The following CRACD variants were observed in gnomAD, a reference collection of about 807,000 sequenced individuals.
The protein encoded by CRACD is capping protein inhibiting regulator of actin dynamics, also known as capping protein-inhibiting regulator of actin dynamics.
CRACD carries 56 observed loss-of-function variants against 106.8 expected under a neutral mutation model. The ratio of observed to expected loss-of-function variants is 0.52; its 90% confidence interval spans 0.42 to 0.66. The LOEUF is 0.66. Among genes scored for constraint, CRACD ranks in the 30% least tolerant of loss-of-function variants. The probability of loss-of-function intolerance (pLI) is 0.00; values close to 1 mark genes in which losing one functional copy is unlikely to be tolerated. For synonymous variants in CRACD, 754 were observed against 670.8 expected (o/e 1.12, Z -1.92); for missense variants, 1,730 against 1,623.2 (o/e 1.07, Z -1.13).
intron 2 of CRACD, among the ~76,000 whole-genome samples, chr4:56,203,278 G>A (rs1337915360): frequency 1.3e-5 from 2 of 152,160 alleles, no homozygotes; most frequent in Non-Finnish European, 2.9e-5. Context: ...GGTATGGAAG[G>A]GACCAGCACC....
chr4:56,141,675 A>G (rs1399242964), intron 1 of CRACD, among the ~76,000 whole-genome samples: 1 of 147,144 alleles, frequency 6.8e-6, no homozygotes, highest in African/African-American at 2.5e-5. Flanking sequence ...TAAACTAAGG[A>G]AGTACTATTT....
chr4:56,315,702 GA>G lies in CRACD; in HGVS notation c.2201del (p.Glu734GlyfsTer95). The G allele has an allele frequency of 6.2e-7, 1 of 1,614,198 alleles. No homozygotes were observed. The highest frequency in any genetic ancestry group is 8.5e-7 in the Non-Finnish European group (1 of 1,180,048). ...GCAGAAATTTTCCGATGGTGGCACG[GA>G]GACCTCCAAACAGAGCACGGAAGCT... is the stretch of plus-strand genomic sequence containing the variant. ...AWQKFSDGGTETSKQSTEAES... is the reference protein window; with the variant it reads ...AWQKFSDGGTXTSKQSTEAES... On this transcript the variant is annotated frameshift_variant, in exon 8 of 11. Coordinates refer to ENST00000682029, the MANE Select transcript of CRACD (RefSeq NM_001393381.1). LOFTEE classifies it high-confidence loss of function. The surrounding 1 kb of genome is among the most constrained non-coding windows in gnomAD (Gnocchi z 4.1).
chr4:56,195,185 G>A (rs1038584767), intron 2 of CRACD, among the ~76,000 whole-genome samples: 1 of 152,114 alleles, frequency 6.6e-6, no homozygotes, highest in African/African-American at 2.4e-5. Context: ...GTGCAAGTGG[G>A]AGGACACATG....
At chr4:56,087,202 G>A (rs1733258661) in intron 1 of CRACD, among the ~76,000 whole-genome samples, 1 of 152,028 alleles carries the variant, frequency 6.6e-6, no homozygotes, top group South Asian at 2.1e-4. Flanking sequence ...TAGTAGAGAT[G>A]GGGTTTCACC....
chr4:56,212,256 G>A (rs1261173773), intron 2 of CRACD, among the ~76,000 whole-genome samples: 1 of 152,168 alleles, frequency 6.6e-6, no homozygotes, highest in African/African-American at 2.4e-5. Context: ...GCAACATCTG[G>A]AAGTTACCTT....
chr4:56,212,394 C>T (rs779119857), intron 2 of CRACD, among the ~76,000 whole-genome samples: 4 of 152,176 alleles, frequency 2.6e-5, no homozygotes, highest in East Asian at 1.9e-4. Context: ...AGCCAACCAG[C>T]AGCCCTTGGG....
intron 3 of CRACD, among the ~76,000 whole-genome samples, chr4:56,287,291 A>ATTTTTTTT (rs57432926): frequency 0.012 from 1,774 of 145,880 alleles, 39 homozygotes; most frequent in African/African-American, 0.041. Context: ...TACTTGGCTA[A>ATTTTTTTT]TTTTTTTTTT....
intron 1 of CRACD, among the ~76,000 whole-genome samples, chr4:56,147,258 C>T (rs1735419486): frequency 1.3e-5 from 2 of 152,078 alleles, no homozygotes; most frequent in South Asian, 2.1e-4. Flanking sequence ...AGAAACAAAG[C>T]GTTTCAAAGT....
At chr4:56,244,925 C>G (rs1321384376) in intron 2 of CRACD, among the ~76,000 whole-genome samples, 1 of 152,242 alleles carries the variant, frequency 6.6e-6, no homozygotes, top group Non-Finnish European at 1.5e-5. Flanking sequence ...GATATCTCTC[C>G]TAAGTCCCCT....
At chr4:56,161,798 C>T (rs1273040455) in intron 1 of CRACD, among the ~76,000 whole-genome samples, 1 of 143,102 alleles carries the variant, frequency 7.0e-6, no homozygotes, top group East Asian at 2.1e-4. Context: ...GAGTCTCGCT[C>T]TGTTGCGCAG....
At chr4:56,209,443 G>A (rs887849951) in intron 2 of CRACD, among the ~76,000 whole-genome samples, 15 of 151,780 alleles carry the variant, frequency 9.9e-5, no homozygotes, top group African/African-American at 3.4e-4. Flanking sequence ...ATACTATACA[G>A]AATTGTTTTT....
chr4:56,268,960 C>G (rs928366641), intron 2 of CRACD, among the ~76,000 whole-genome samples: 1 of 152,160 alleles, frequency 6.6e-6, no homozygotes, highest in Non-Finnish European at 1.5e-5. Flanking sequence ...TGAAAAGATA[C>G]AAACATTCTG....
chr4:56,099,517 A>C (rs1003719935), intron 1 of CRACD, among the ~76,000 whole-genome samples: 1 of 152,156 alleles, frequency 6.6e-6, no homozygotes, highest in Non-Finnish European at 1.5e-5. Flanking sequence ...GGCTTTTGGC[A>C]TACTGACTGT....
intron 1 of CRACD, among the ~76,000 whole-genome samples, chr4:56,166,693 C>A (rs1171995728): frequency 3.1e-4 from 26 of 83,406 alleles, no homozygotes; most frequent in African/African-American, 3.9e-4. Context: ...AAAAAAAAAA[C>A]CATTTAATGG....
At chr4:56,170,812 C>T (rs1442020320) in intron 1 of CRACD, among the ~76,000 whole-genome samples, 2 of 152,186 alleles carry the variant, frequency 1.3e-5, no homozygotes, top group African/African-American at 4.8e-5. Flanking sequence ...GCACTCCAGA[C>T]TGAGCAGCAG....
chr4:56,248,889 T>C (rs1016874942), intron 2 of CRACD, among the ~76,000 whole-genome samples: 3 of 148,238 alleles, frequency 2.0e-5, no homozygotes, highest in African/African-American at 7.5e-5. Flanking sequence ...TCCATGTCCC[T>C]ACAAAGGACA....
chr4:56,221,294 C>T (rs1285830393), intron 2 of CRACD, among the ~76,000 whole-genome samples: 1 of 152,004 alleles, frequency 6.6e-6, no homozygotes, highest in Non-Finnish European at 1.5e-5. Context: ...AGAAAAGCCA[C>T]AACAGTATGT....
chr4:56,113,291 A>G (rs941697312), intron 1 of CRACD, among the ~76,000 whole-genome samples: 1 of 152,160 alleles, frequency 6.6e-6, no homozygotes, highest in Admixed American at 6.5e-5. Flanking sequence ...TTGTTTGTGG[A>G]TCTTTTCAAA....
At chr4:56,212,672 A>G (rs1738466620) in intron 2 of CRACD, among the ~76,000 whole-genome samples, 1 of 152,198 alleles carries the variant, frequency 6.6e-6, no homozygotes, top group Non-Finnish European at 1.5e-5. Flanking sequence ...CCCTTGATCA[A>G]CTTAGCCAAT....
Sources: gnomAD v4.1 joint callset for allele counts (sites outside exome capture counted in the v4.1 genomes callset) on GRCh38, gnomAD v4.1.1 for gene constraint, Gnocchi (gnomAD v3.1) non-coding constraint, MANE v1.5 for transcripts, NCBI Gene and HGNC (gene_info 2026-07-23, HGNC 2026-07-21) for gene names.